The following MALRD1 variants were observed in gnomAD, a reference collection of about 807,000 sequenced individuals.
The protein encoded by MALRD1 is MAM and LDL-receptor class A domain-containing protein 1.
MALRD1 carries 247 observed loss-of-function variants against 242.1 expected under a neutral mutation model. The observed-to-expected ratio is 1.02, with a 90% CI of 0.92 to 1.13. The LOEUF is 1.13. Ranked by LOEUF, MALRD1 falls within the 50% of genes most tolerant of loss-of-function variation. The pLI is 0.00. For synonymous variants in MALRD1, 995 were observed against 866.6 expected (o/e 1.15, Z -2.60); for missense variants, 2,989 against 2,533.1 (o/e 1.18, Z -3.86).
intron 4 of MALRD1, among the ~76,000 whole-genome samples, chr10:19,098,493 A>T (rs1432336174): frequency 1.3e-5 from 2 of 152,188 alleles, no homozygotes; most frequent in African/African-American, 4.8e-5. Context: ...CAAAATCATT[A>T]TCCGAGGTAT....
intron 38 of MALRD1, among the ~76,000 whole-genome samples, chr10:19,717,181 G>A (rs769614546): frequency 3.4e-4 from 51 of 152,088 alleles, no homozygotes; most frequent in Non-Finnish European, 5.7e-4. Context: ...GTTCTGCTCC[G>A]AGATGAAAAA....
intron 36 of MALRD1, among the ~76,000 whole-genome samples, chr10:19,633,980 A>G: frequency 6.6e-6 from 1 of 151,784 alleles, no homozygotes; most frequent in Non-Finnish European, 1.5e-5. Flanking sequence ...CTGGGACTAC[A>G]GGGGGATGCC....
In MALRD1 at chr10:19,122,623, A is replaced by T. The variant is rs979272762; in HGVS notation, c.695-869A>T. 2.0e-5 allele frequency among the ~76,000 whole-genome samples: 3 copies of T among 152,048 alleles called. No homozygotes were observed. The East Asian group carries it at 5.8e-4, about 30-fold the overall frequency. On this transcript the variant is annotated intron_variant, in intron 5 of 39. Transcript: ENST00000454679. ...AGAGTCAAAGCTTGGGTATTTAGGA[A>T]GATCAGAGGGAGAATTGTCTGCAAG...
chr10:19,204,016 A>G lies in MALRD1; in HGVS notation c.2104+136A>G, dbSNP rs1588693352. ...TAGTTGAATATTGTCAATTACAGTT[A>G]TGCTGTCTGCATGGACTGATTCCTT... On this transcript the variant is annotated intron_variant, in intron 15 of 39. Transcript: ENST00000454679. 3.5e-6 allele frequency: 4 copies of G among 1,141,934 alleles called. No individual in the cohort carries two copies. The East Asian group carries it at 1.0e-4, about 29-fold the overall frequency. The allele number at this position is 1,141,934 out of a possible 1,614,324, so 70.7% of individuals were successfully genotyped here.
chr10:19,235,788 G>A (rs1327720382), intron 18 of MALRD1, among the ~76,000 whole-genome samples: 2 of 152,056 alleles, frequency 1.3e-5, no homozygotes, highest in African/African-American at 4.8e-5. Flanking sequence ...AATAACAGGA[G>A]GAGCCATTAG....
At chr10:19,382,363 A>AGTGTGTGTGTGTGTATGTGTGAGT (rs61201600) in intron 26 of MALRD1, among the ~76,000 whole-genome samples, 1 of 151,478 alleles carries the variant, frequency 6.6e-6, no homozygotes, top group African/African-American at 2.4e-5. Flanking sequence ...TGTATGTGTG[A>AGTGTGTGTGTGTGTATGTGTGAGT]GTGTGTGTGT....
chr10:19,632,023 C>G (rs1488110727), intron 36 of MALRD1, among the ~76,000 whole-genome samples: 3 of 152,102 alleles, frequency 2.0e-5, no homozygotes, highest in African/African-American at 7.2e-5. Flanking sequence ...AAAGAGAATT[C>G]AAGCCAGATG....
At chr10:19,528,844 G>A (rs1834211291) in intron 31 of MALRD1, among the ~76,000 whole-genome samples, 1 of 152,140 alleles carries the variant, frequency 6.6e-6, no homozygotes, top group African/African-American at 2.4e-5. Context: ...TGAAGTCACA[G>A]TCAAACCACT....
chr10:19,592,852 C>T (rs1837889044), intron 33 of MALRD1, among the ~76,000 whole-genome samples: 1 of 150,920 alleles, frequency 6.6e-6, no homozygotes. Flanking sequence ...ACATTATTTT[C>T]CTCATTTTTT....
intron 38 of MALRD1, among the ~76,000 whole-genome samples, chr10:19,728,238 A>G (rs1051065955): frequency 6.6e-6 from 1 of 152,098 alleles, no homozygotes; most frequent in African/African-American, 2.4e-5. Context: ...CCACATCCTT[A>G]CTCTTAAATA....
intron 1 of MALRD1, among the ~76,000 whole-genome samples, chr10:19,057,047 T>C (rs1834690397): frequency 6.6e-6 from 1 of 152,070 alleles, no homozygotes; most frequent in Admixed American, 6.5e-5. Flanking sequence ...AAATGCTTCT[T>C]TCAATGTGTT....
intron 5 of MALRD1, among the ~76,000 whole-genome samples, chr10:19,121,548 GA>G (rs1306320032): frequency 6.6e-6 from 1 of 152,170 alleles, no homozygotes; most frequent in Non-Finnish European, 1.5e-5. Flanking sequence ...TTCTAAGATG[GA>G]TGAAGTTTTG....
At chr10:19,615,761 G>C in intron 35 of MALRD1, 96 bp from the exon 36 acceptor site, 1 of 996,032 alleles carries the variant, frequency 1.0e-6, no homozygotes, top group Non-Finnish European at 1.4e-6. Context: ...TTTACTCTTA[G>C]AGATTAGATT....
At chr10:19,379,728 G>T (rs1008929158) in intron 26 of MALRD1, among the ~76,000 whole-genome samples, 3 of 151,926 alleles carry the variant, frequency 2.0e-5, no homozygotes, top group African/African-American at 7.3e-5. Flanking sequence ...TATTTCACAC[G>T]TCCTTGAAAA....
chr10:19,224,400 C>A (rs1837696855), intron 18 of MALRD1, among the ~76,000 whole-genome samples: 1 of 151,874 alleles, frequency 6.6e-6, no homozygotes, highest in African/African-American at 2.4e-5. Flanking sequence ...AATTCTCCTG[C>A]CTTAGCCTCT....
rs35279728 is a variant in MALRD1 at position 19,729,721 on chromosome 10, C to CTTT, written c.6315-954_6315-952dup. ...GTGTCTTCTAATAAGTCTATTAATT[C>CTTT]TTTTTTTTTTTTTTTTTTTTTTTTT... On this transcript the variant is annotated intron_variant, in intron 38 of 39. Transcript: ENST00000454679. Among the ~76,000 whole-genome samples the CTTT allele has an allele frequency of 8.6e-3, 349 of 40,718 alleles. 63 individuals carry two copies. Among genetic ancestry groups the CTTT allele is most frequent in the Non-Finnish European group, 0.011 (264 of 24,092 alleles). The allele number at this position is 40,718 out of a possible 152,430, so 26.7% of individuals were successfully genotyped here.
chr10:19,471,983 G>T (rs1378949066), intron 29 of MALRD1, among the ~76,000 whole-genome samples: 1 of 151,850 alleles, frequency 6.6e-6, no homozygotes, highest in East Asian at 1.9e-4. Context: ...GTAAGAGTGG[G>T]CATTCTTGCT....
intron 28 of MALRD1, among the ~76,000 whole-genome samples, chr10:19,399,650 G>A (rs1846743666): frequency 6.6e-6 from 1 of 152,070 alleles, no homozygotes; most frequent in Non-Finnish European, 1.5e-5. Context: ...AATTAAAATG[G>A]CAATAATCTT....
At chr10:19,482,692 T>C (rs6481943) in intron 29 of MALRD1, among the ~76,000 whole-genome samples, 6,432 of 80,526 alleles carry the variant, frequency 0.08, 192 homozygotes, top group Middle Eastern at 0.11. Context: ...CACACACACA[T>C]ACACACAAAG....
Sources: allele counts gnomAD v4.1 joint callset (sites outside exome capture counted in the v4.1 genomes callset), GRCh38; gene constraint gnomAD v4.1.1; transcripts MANE v1.5; gene names NCBI Gene and HGNC (gene_info 2026-07-23, HGNC 2026-07-21).